Variants in MET observed in about 807,000 individuals in gnomAD.
The protein encoded by MET is MET proto-oncogene, receptor tyrosine kinase.
A neutral mutation model predicts 133.1 loss-of-function variants in MET; 48 were observed. The ratio of observed to expected loss-of-function variants is 0.36; its 90% CI spans 0.29 to 0.46. The LOEUF (loss-of-function observed/expected upper bound fraction) is 0.46, where lower values mean the gene tolerates loss of function less well. MET is among the 20% of genes least tolerant of loss of function. The pLI is 1.00. For missense variants in MET, 1,442 were observed against 1,695.9 expected, an observed-to-expected ratio of 0.85 and a Z score of 2.63; for synonymous variants, 628 against 616.5, an observed-to-expected ratio of 1.02 and a Z score of -0.28.
intron 5 of MET, among the ~76,000 whole-genome samples, chr7:116,741,883 G>T (rs1793471866): frequency 6.6e-6 from 1 of 152,196 alleles, no homozygotes; most frequent in Non-Finnish European, 1.5e-5. Flanking sequence ...TCAGTTTCTG[G>T]CAATGGACAT....
chr7:116,741,067 G>GTTTT, intron 5 of MET, 42 bp downstream of exon 5: 14 of 1,348,670 alleles, frequency 1.0e-5, no homozygotes, highest in Admixed American at 4.4e-5. Context: ...TTTGTTTGGT[G>GTTTT]TTTTTTTTTT....
chr7:116,684,377 T>A (rs1339398823), intron 1 of MET, among the ~76,000 whole-genome samples: 2 of 152,218 alleles, frequency 1.3e-5, no homozygotes. Context: ...TGCCATGTAA[T>A]GACACTATGC....
chr7:116,698,348 T>C (rs537568243), intron 1 of MET, among the ~76,000 whole-genome samples: 75 of 152,348 alleles, frequency 4.9e-4, no homozygotes, highest in African/African-American at 1.8e-3. Flanking sequence ...CCCTGAGAAG[T>C]AGTTCTAGGA....
intron 2 of MET, among the ~76,000 whole-genome samples, chr7:116,721,326 G>A (rs1792475097): frequency 6.6e-6 from 1 of 152,068 alleles, no homozygotes; most frequent in South Asian, 2.1e-4. Context: ...TGGGATTGGT[G>A]GTGATATCCC....
intron 2 of MET, chr7:116,724,672 T>G (rs1305999315): frequency 2.0e-6 from 1 of 492,096 alleles, no homozygotes; most frequent in East Asian, 6.9e-5. Flanking sequence ...TTTTACTCCT[T>G]GGAATCGGAA....
intron 2 of MET, among the ~76,000 whole-genome samples, chr7:116,727,705 G>A (rs1047405334): frequency 6.6e-6 from 1 of 152,160 alleles, no homozygotes; most frequent in Non-Finnish European, 1.5e-5. Flanking sequence ...ACCCCTGACA[G>A]CAAATGTGTA....
At chr7:116,759,221 T>A in intron 9 of MET, 170 bp from the exon 10 acceptor site, 1 of 926,886 alleles carries the variant, frequency 1.1e-6, no homozygotes, top group Non-Finnish European at 1.6e-6. Context: ...TAAAAATATT[T>A]TCAAGTTAAA....
At chr7:116,684,218 T>C (rs896577259) in intron 1 of MET, among the ~76,000 whole-genome samples, 2 of 152,252 alleles carry the variant, frequency 1.3e-5, no homozygotes, top group African/African-American at 4.8e-5. Context: ...AAATCCATAT[T>C]GAATAATTCC....
chr7:116,718,113 G>A (rs1296209507), intron 2 of MET, among the ~76,000 whole-genome samples: 2 of 152,172 alleles, frequency 1.3e-5, no homozygotes, highest in African/African-American at 2.4e-5. Context: ...AGGAGGCAGG[G>A]CACGGTGGCT....
chr7:116,794,584 C>A (rs887052875), intron 19 of MET, among the ~76,000 whole-genome samples: 1 of 152,212 alleles, frequency 6.6e-6, no homozygotes, highest in African/African-American at 2.4e-5. Flanking sequence ...GCTTTATTCT[C>A]CTTCTTGCTG....
chr7:116,702,303 A>T (rs933062096), intron 2 of MET, among the ~76,000 whole-genome samples: 2 of 152,124 alleles, frequency 1.3e-5, no homozygotes, highest in African/African-American at 2.4e-5. Flanking sequence ...CCATAGACAA[A>T]TACCTTCAAA....
At chr7:116,700,665 A>G (rs1791545278) in intron 2 of MET, among the ~76,000 whole-genome samples, 1 of 152,148 alleles carries the variant, frequency 6.6e-6, no homozygotes, top group Non-Finnish European at 1.5e-5. Flanking sequence ...ATAATTATTG[A>G]CATTTCTATA....
At chr7:116,766,574 C>T (rs1258984144) in intron 11 of MET, among the ~76,000 whole-genome samples, 2 of 152,138 alleles carry the variant, frequency 1.3e-5, no homozygotes, top group Non-Finnish European at 2.9e-5. Flanking sequence ...CAGTCAAAAC[C>T]ACCATGAACT....
At chr7:116,726,123 C>T (rs1218478527) in intron 2 of MET, among the ~76,000 whole-genome samples, 1 of 19,520 alleles carries the variant, frequency 5.1e-5, no homozygotes, top group Non-Finnish European at 1.0e-4. Context: ...TGTCATTATG[C>T]AGCACATGAC....
chr7:116,791,590 T>C (rs1410100135), intron 19 of MET, among the ~76,000 whole-genome samples: 1 of 152,210 alleles, frequency 6.6e-6, no homozygotes, highest in Non-Finnish European at 1.5e-5. Context: ...GGCTTGTTTT[T>C]GTTTCTTATT....
chr7:116,731,618 C>A (rs368374512), intron 2 of MET, 50 bp from the exon 3 acceptor site: 2 of 1,593,458 alleles, frequency 1.3e-6, no homozygotes, highest in Non-Finnish European at 1.7e-6. Context: ...TTCTTACCAG[C>A]TTGTTCATGT....
At position 116,672,222 on chromosome 7, in the gene MET, G is replaced by A. The variant is rs1795997830; in HGVS notation, c.-370G>A. On this transcript the variant is annotated 5_prime_UTR_variant, in exon 1 of 21. Transcript: ENST00000397752. ...GACACGTGCTGGGGCGGGCAGGCGA[G>A]CGCCTCAGTCTGGTCGCCTGGCGGT... Among the ~76,000 whole-genome samples, 1 of 151,842 alleles carries A rather than the reference G, an allele frequency of 6.6e-6. No individual in the cohort carries two copies. Among genetic ancestry groups the A allele is most frequent in the Non-Finnish European group, 1.5e-5 (1 of 67,880 alleles).
At position 116,783,826 on chromosome 7, in the gene MET, C is replaced by T. The variant is rs112199560; in HGVS notation, c.3798+357C>T. ...GGGCCCTGATTCTCATAGCCCCAGG[C>T]GAGCAAGAATTCCACATCAAGAAAT... On this transcript the variant is annotated intron_variant, in intron 19 of 20. Coordinates refer to ENST00000397752, the MANE Select transcript of MET (RefSeq NM_000245.4). Among the ~76,000 whole-genome samples the T allele has an allele frequency of 9.0e-3, 1,365 of 152,290 alleles. 13 individuals carry two copies. Among genetic ancestry groups the T allele is most frequent in the Non-Finnish European group, 0.014 (957 of 68,030 alleles).
At chr7:116,734,932 C>T (rs542177937) in intron 3 of MET, among the ~76,000 whole-genome samples, 1 of 152,292 alleles carries the variant, frequency 6.6e-6, no homozygotes, top group African/African-American at 2.4e-5. Context: ...AACAATGCTT[C>T]CTTGATTTTT....
Sources: allele counts gnomAD v4.1 joint callset (sites outside exome capture counted in the v4.1 genomes callset), GRCh38; gene constraint gnomAD v4.1.1; transcripts MANE v1.5; gene names NCBI Gene and HGNC (gene_info 2026-07-23, HGNC 2026-07-21).